Variants in ANTXR1 observed in about 807,000 individuals in gnomAD.
ANTXR1 encodes the protein anthrax toxin receptor 1.
A neutral mutation model predicts 78.1 loss-of-function variants in ANTXR1; 19 were observed. That is an observed-to-expected ratio of 0.24 (90% CI 0.17 to 0.36). The LOEUF (loss-of-function observed/expected upper bound fraction) is 0.36, where lower values mean the gene tolerates loss of function less well. ANTXR1 is among the 10% of genes least tolerant of loss of function. ANTXR1 has a pLI of 1.00. For missense variants in ANTXR1, 518 were observed against 718.6 expected (o/e 0.72, Z 3.19); for synonymous variants, 273 against 260.5 (o/e 1.05, Z -0.46).
chr2:69,216,317 T>C (rs1675172956), intron 17 of ANTXR1, among the ~76,000 whole-genome samples: 1 of 152,124 alleles, frequency 6.6e-6, no homozygotes, highest in South Asian at 2.1e-4. Flanking sequence ...GATAATCTGG[T>C]TCTAGATAGG....
intron 17 of ANTXR1, among the ~76,000 whole-genome samples, chr2:69,212,170 G>A (rs191672641): frequency 1.3e-5 from 2 of 152,268 alleles, no homozygotes; most frequent in East Asian, 3.9e-4. Flanking sequence ...AAGAAAAACA[G>A]GAAGGAGATA....
intron 13 of ANTXR1, among the ~76,000 whole-genome samples, chr2:69,170,042 G>C (rs766518337): frequency 3.8e-4 from 58 of 152,204 alleles, no homozygotes; most frequent in Non-Finnish European, 5.9e-4. Flanking sequence ...AAATGAGACT[G>C]GAACCCTCAG....
intron 3 of ANTXR1, among the ~76,000 whole-genome samples, chr2:69,062,705 A>G (rs1160811603): frequency 1.3e-5 from 2 of 152,226 alleles, no homozygotes; most frequent in African/African-American, 4.8e-5. Flanking sequence ...GGGAAGAAGC[A>G]GAGGAATATT....
At chr2:69,205,500 G>A (rs1674873817) in intron 17 of ANTXR1, among the ~76,000 whole-genome samples, 1 of 151,932 alleles carries the variant, frequency 6.6e-6, no homozygotes, top group Non-Finnish European at 1.5e-5. Flanking sequence ...TCCGCTTACA[G>A]CCACAAAGTT....
chr2:69,216,727 CTT>C (rs1235532628), intron 17 of ANTXR1, among the ~76,000 whole-genome samples: 1 of 152,218 alleles, frequency 6.6e-6, no homozygotes, highest in African/African-American at 2.4e-5. Context: ...TTCCCAAACT[CTT>C]TGTCTATTCT....
intron 12 of ANTXR1, 147 bp downstream of exon 12, chr2:69,124,790 A>G: frequency 1.2e-6 from 1 of 812,532 alleles, no homozygotes; most frequent in Non-Finnish European, 2.1e-6. Flanking sequence ...GCACTGCTCC[A>G]CCAGCCCCAG....
chr2:69,098,859 G>A (rs1671514187), intron 9 of ANTXR1, among the ~76,000 whole-genome samples: 1 of 152,160 alleles, frequency 6.6e-6, no homozygotes, highest in African/African-American at 2.4e-5. Context: ...ACTGGCACAT[G>A]CCTATAATCC....
chr2:69,084,491 G>A (rs750225458), intron 8 of ANTXR1, among the ~76,000 whole-genome samples: 8 of 151,938 alleles, frequency 5.3e-5, no homozygotes, highest in Non-Finnish European at 7.4e-5. Context: ...TTGCATGTAA[G>A]CGTGGTATAA....
At chr2:69,178,947 C>T (rs1289265040) in intron 14 of ANTXR1, among the ~76,000 whole-genome samples, 1 of 152,170 alleles carries the variant, frequency 6.6e-6, no homozygotes, top group East Asian at 1.9e-4. Context: ...AGTTTCTTAA[C>T]GTTCGTGGTG....
chr2:69,201,907 G>A (rs191980180), intron 17 of ANTXR1, among the ~76,000 whole-genome samples: 4 of 152,318 alleles, frequency 2.6e-5, no homozygotes, highest in Admixed American at 2.6e-4. Flanking sequence ...AAGGCATCTA[G>A]GGCAGGAACT....
Position 69,249,324 on chromosome 2 carries a change from T to A in ANTXR1, c.*3839T>A, listed in dbSNP as rs1002481388. The A allele has an allele frequency of 2.6e-5, 4 of 152,222 alleles. No homozygotes were observed. The highest frequency in any genetic ancestry group is 9.6e-5 in the African/African-American group (4 of 41,462). 9.4% of individuals were successfully genotyped at this position (152,222 alleles called of 1,614,324 possible). A position where few individuals can be genotyped will look rare whatever the true frequency, so the allele number is the denominator to read the frequency against. Reference sequence around the variant, plus strand: ...TAAAAAAAATAATAAATTTCTTAAATCAACTCTTTTTTCTGGTTATTTGTC... The same window carrying A: ...TAAAAAAAATAATAAATTTCTTAAAACAACTCTTTTTTCTGGTTATTTGTC... On this transcript the variant is annotated 3_prime_UTR_variant, in exon 18 of 18. Transcript: ENST00000303714.
At chr2:69,159,519 C>A (rs1440586556) in intron 13 of ANTXR1, among the ~76,000 whole-genome samples, 1 of 151,104 alleles carries the variant, frequency 6.6e-6, no homozygotes, top group Non-Finnish European at 1.5e-5. Flanking sequence ...ATATTAAGTT[C>A]TTTTAACCAC....
chr2:69,103,207 G>A (rs1488954829), intron 10 of ANTXR1: 8 of 487,088 alleles, frequency 1.6e-5, no homozygotes, highest in Admixed American at 6.4e-5. Context: ...AAAACACAGA[G>A]CCACAAGCCC....
intron 1 of ANTXR1, among the ~76,000 whole-genome samples, chr2:69,029,115 G>GC (rs1368006458): frequency 6.6e-6 from 1 of 151,370 alleles, no homozygotes; most frequent in Non-Finnish European, 1.5e-5. Flanking sequence ...TGCTGTCCCA[G>GC]CTACTCAGGA....
At chr2:69,076,848 G>A (rs1354808090) in intron 7 of ANTXR1, among the ~76,000 whole-genome samples, 1 of 152,184 alleles carries the variant, frequency 6.6e-6, no homozygotes, top group Non-Finnish European at 1.5e-5. Flanking sequence ...AGAGATCTGG[G>A]GGCAGACAAG....
At chr2:69,019,219 A>G (rs940631144) in intron 1 of ANTXR1, among the ~76,000 whole-genome samples, 2 of 152,248 alleles carry the variant, frequency 1.3e-5, no homozygotes, top group Non-Finnish European at 2.9e-5. Flanking sequence ...AATAGAAGGC[A>G]CCTTGAAGGT....
intron 17 of ANTXR1, among the ~76,000 whole-genome samples, chr2:69,228,915 A>C (rs1379835728): frequency 6.6e-6 from 1 of 152,186 alleles, no homozygotes; most frequent in African/African-American, 2.4e-5. Flanking sequence ...ATTTTCTCAC[A>C]GTACTGGAGA....
intron 12 of ANTXR1, among the ~76,000 whole-genome samples, chr2:69,129,781 T>C (rs1182705144): frequency 2.0e-5 from 3 of 150,844 alleles, no homozygotes; most frequent in Non-Finnish European, 1.5e-5. Flanking sequence ...AAATGTATAA[T>C]AAAGAACAAG....
intron 14 of ANTXR1, among the ~76,000 whole-genome samples, chr2:69,175,789 A>G (rs900259365): frequency 5.9e-5 from 9 of 152,322 alleles, no homozygotes; most frequent in South Asian, 2.1e-4. Flanking sequence ...ATGCCCATCC[A>G]GTGAACAATA....
Sources: gnomAD v4.1 joint callset for allele counts (sites outside exome capture counted in the v4.1 genomes callset) on GRCh38, gnomAD v4.1.1 for gene constraint, MANE v1.5 for transcripts, NCBI Gene and HGNC (gene_info 2026-07-23, HGNC 2026-07-21) for gene names.